The following IQCN variants were observed in gnomAD, a reference collection of about 807,000 sequenced individuals.
IQCN encodes IQ motif containing N.
A neutral mutation model predicts 64.4 loss-of-function variants in IQCN; 46 were observed. That is an observed-to-expected ratio of 0.71 (90% CI 0.56 to 0.91). The LOEUF is 0.91. Ranked by LOEUF, IQCN falls within the 40% of genes least tolerant of loss-of-function variation. The pLI is 0.00. For missense variants in IQCN, 1,753 were observed against 1,857.4 expected, an observed-to-expected ratio of 0.94 and a Z score of 1.03; for synonymous variants, 733 against 775.6, an observed-to-expected ratio of 0.95 and a Z score of 0.91.
Position 18,265,699 on chromosome 19 carries a change from G to C in IQCN, c.1841C>G (p.Ala614Gly), listed in dbSNP as rs16982285. ...EKIKTGTQKQ[A>G]KTDMAFKTSV... ...GGTCTTAAATGCCATGTCTGTTTTCGCCTGTTTCTGGGTGCCAGTCTTGAT... is the reference window on the plus strand; with the variant it reads ...GGTCTTAAATGCCATGTCTGTTTTCCCCTGTTTCTGGGTGCCAGTCTTGAT... The change falls in exon 3 of 4, where the codon GCG (alanine) becomes GGG (glycine). Residue 614 changes from alanine (A) to glycine (G), a missense_variant. Ala to Gly is a moderately conservative substitution (Grantham distance 60, BLOSUM62 0). Transcript: ENST00000392413. The surrounding 1 kb of genome is among the most constrained non-coding windows in gnomAD (Gnocchi z 4.7). 5 of 1,614,088 alleles carry C rather than the reference G, an allele frequency of 3.1e-6. No homozygotes were observed. Among genetic ancestry groups the C allele is most frequent in the Non-Finnish European group, 2.5e-6 (3 of 1,180,028 alleles).
Position 18,267,425 on chromosome 19 carries a change from C to T in IQCN, c.115G>A (p.Ala39Thr), listed in dbSNP as rs111708098. ...ATTTTGTCCAGGAGACTGGGGTGAG[C>T]GGGGGCTGGAGGATGCACCGCCCAC... Reference protein sequence around the residue: ...TQWAVHPPAPAHPSLLDKMEK... With the variant: ...TQWAVHPPAPTHPSLLDKMEK... Residue 39 changes from alanine (A) to threonine (T), a missense_variant, in exon 3 of 4, where the codon GCT becomes ACT. Coordinates refer to ENST00000392413, the MANE Select transcript of IQCN (RefSeq NM_001145304.2). The T allele has an allele frequency of 6.8e-5, 106 of 1,569,570 alleles. No individual in the cohort carries two copies. The African/African-American group carries it at 1.2e-3, about 17-fold the overall frequency.
At chr19:18,272,180 T>C (rs139600299) in intron 1 of IQCN, among the ~76,000 whole-genome samples, 1,605 of 144,276 alleles carry the variant, frequency 0.011, 89 homozygotes, top group Admixed American at 0.1. Context: ...CAGGCTGGAG[T>C]GCAGTGGCGC....
chr19:18,257,526 G>A lies in IQCN; in HGVS notation c.3758C>T (p.Pro1253Leu). The change falls in exon 4 of 4, where the codon CCT becomes CTT. Residue 1253 changes from proline (P) to leucine (L), a missense_variant. Transcript: ENST00000392413. ...PSVVMLVGSS[P>L]RTCHTCGRTQ... ...GCGTCCACAGGTATGACAGGTGCGAGGGCTGGAGCCCACTAGCATCACCAC... is the reference window on the plus strand; with the variant it reads ...GCGTCCACAGGTATGACAGGTGCGAAGGCTGGAGCCCACTAGCATCACCAC... The A allele has an allele frequency of 1.9e-6, 3 of 1,611,690 alleles. No homozygotes were observed. The South Asian group carries it at 3.3e-5, about 18-fold the overall frequency.
chr19:18,268,415 A>C (rs766563362), intron 2 of IQCN, among the ~76,000 whole-genome samples: 5 of 152,114 alleles, frequency 3.3e-5, no homozygotes, highest in Non-Finnish European at 5.9e-5. Context: ...TTGGATGGAC[A>C]GATAGATACA....
At chr19:18,261,992 GC>G (rs1969439155) in intron 3 of IQCN, 1 of 153,288 alleles carries the variant, frequency 6.5e-6, no homozygotes, top group African/African-American at 2.4e-5. Context: ...GAGATGGGTA[GC>G]CTGGGCTTGG....
intron 1 of IQCN, among the ~76,000 whole-genome samples, chr19:18,271,183 A>T (rs966694804): frequency 8.0e-5 from 12 of 150,386 alleles, no homozygotes; most frequent in Non-Finnish European, 1.6e-4. Context: ...AAAAAAAAAA[A>T]AAAAAACCAG....
chr19:18,262,676 A>G (rs1018718986), intron 3 of IQCN: 1 of 152,212 alleles, frequency 6.6e-6, no homozygotes, highest in Non-Finnish European at 1.5e-5. Flanking sequence ...GGGTCACCCA[A>G]TTACCCATAG....
In IQCN at chr19:18,264,664, A is replaced by C. The variant is rs1285982134; in HGVS notation, c.2876T>G (p.Leu959Arg). Residue 959 changes from leucine (L) to arginine (R), a missense_variant, in exon 3 of 4, where the codon CTG becomes CGG. Coordinates refer to ENST00000392413, the MANE Select transcript of IQCN (RefSeq NM_001145304.2). The surrounding 1 kb of genome is among the most constrained non-coding windows in gnomAD (Gnocchi z 4.3). The stretch of plus-strand genomic sequence containing the variant: ...CATGACCTTGGTGAGTTCCGCCCGC[A>C]GCTCGCCCCGGGACAGGGCTCGGGA... ...TLSRALSRGE[L>R]RAELTKVMQG... is the part of the protein sequence containing the mutation. 6.4e-7 allele frequency: 1 copy of C among 1,551,340 alleles called. No homozygotes were observed. The highest frequency in any genetic ancestry group is 2.0e-5 in the Admixed American group (1 of 50,994).
rs1436176428 is a variant in IQCN at position 18,258,091 on chromosome 19, C to T, written c.3193G>A (p.Gly1065Ser). The change falls in exon 4 of 4, where the codon GGT becomes AGT. Residue 1065 changes from glycine to serine, a missense_variant. By Grantham distance (56) the Gly-to-Ser change is moderately conservative. Coordinates refer to ENST00000392413, the MANE Select transcript of IQCN (RefSeq NM_001145304.2). ...PQTSKGPADA[G>S]VVGGQSWNRA... ...TTCCACGATTGGCCACCAACCACAC[C>T]AGCGTCCGCGGGGCCCTGGAGTATA... is the stretch of plus-strand genomic sequence containing the variant. 6.2e-7 allele frequency: 1 copy of T among 1,610,958 alleles called. No homozygotes were observed. Among genetic ancestry groups the T allele is most frequent in the Non-Finnish European group, 8.5e-7 (1 of 1,179,990 alleles).
chr19:18,260,189 A>C (rs2148093860), intron 3 of IQCN: 1 of 152,706 alleles, frequency 6.5e-6, no homozygotes, highest in South Asian at 2.1e-4. Context: ...TGGGTGGATG[A>C]TGGAACCCAA....
rs1270997243 is a variant in IQCN at position 18,257,512 on chromosome 19, T to G, written c.3772A>C (p.Thr1258Pro). The change falls in exon 4 of 4, where the codon ACC becomes CCC. Residue 1258 changes from threonine to proline, a missense_variant. Transcript: ENST00000392413. ...LVGSSPRTCH[T>P]CGRTQPTRVV... ...CGGGTGGGCTGTGTGCGTCCACAGG[T>G]ATGACAGGTGCGAGGGCTGGAGCCC... is the stretch of plus-strand genomic sequence containing the variant. The G allele has an allele frequency of 1.9e-6, 3 of 1,611,088 alleles. No individual in the cohort carries two copies. In the Admixed American group the frequency reaches 5.0e-5, roughly 27 times the overall value.
chr19:18,266,415 GATT>G lies in IQCN; in HGVS notation c.1122_1124del (p.Ile375del), dbSNP rs529347815. 49 of 1,589,434 alleles carry G rather than the reference GATT, an allele frequency of 3.1e-5. No individual in the cohort carries two copies. The African/African-American group carries it at 5.6e-4, about 18-fold the overall frequency. ...CCGGATACATCTGGGCTGGGGTCTTGATTATTGTTACTTTGGGAACTGGGCTAG... is the reference window on the plus strand; with the variant it reads ...CCGGATACATCTGGGCTGGGGTCTTGATTGTTACTTTGGGAACTGGGCTAG... On this transcript the variant is annotated inframe_deletion, in exon 3 of 4. Coordinates refer to ENST00000392413, the MANE Select transcript of IQCN (RefSeq NM_001145304.2). This position sits in a 1 kb window ranked among gnomAD's most constrained non-coding sequence, Gnocchi z 4.3.
In IQCN at chr19:18,266,259, G is replaced by A; in HGVS notation, c.1281C>T (p.Asn427=). Residue 427 remains asparagine, a synonymous_variant, in exon 3 of 4, where the codon AAC becomes AAT. Coordinates refer to ENST00000392413, the MANE Select transcript of IQCN (RefSeq NM_001145304.2). This position sits in a 1 kb window ranked among gnomAD's most constrained non-coding sequence, Gnocchi z 4.3. ...QTCPATITAK[N]RPQVSLLASI... is the part of the protein sequence containing the mutation. ...AAGCCAGAAGGGAAACCTGAGGTCGGTTCTTTGCCGTGATGGTCGCAGGGC... is the reference window on the plus strand; with the variant it reads ...AAGCCAGAAGGGAAACCTGAGGTCGATTCTTTGCCGTGATGGTCGCAGGGC... The A allele has an allele frequency of 6.2e-7, 1 of 1,613,780 alleles. No homozygotes were observed. The highest frequency in any genetic ancestry group is 8.5e-7 in the Non-Finnish European group (1 of 1,179,828).
intron 1 of IQCN, among the ~76,000 whole-genome samples, chr19:18,270,359 CAAAA>C (rs199590561): frequency 1.6e-5 from 2 of 121,528 alleles, no homozygotes; most frequent in African/African-American, 3.1e-5. Context: ...AAAACTGTCT[CAAAA>C]AAAAAAAAAA....
chr19:18,268,764 C>G (rs1346223366), intron 2 of IQCN, among the ~76,000 whole-genome samples: 1 of 151,834 alleles, frequency 6.6e-6, no homozygotes, highest in East Asian at 1.9e-4. Context: ...GAGTTTGAGA[C>G]CAGCCTGGCT....
rs1969566881 is a variant in IQCN, at chr19:18,265,977, G to A, written c.1563C>T (p.Ala521=). The A allele has an allele frequency of 1.2e-6, 2 of 1,614,166 alleles. No individual in the cohort carries two copies. The highest frequency in any genetic ancestry group is 1.7e-6 in the Non-Finnish European group (2 of 1,180,016). ...CCTTGACATTTGCCACTGTTGGAGAGGCCAGACACAGAGTCTTGAGGATGG... is the reference window on the plus strand; with the variant it reads ...CCTTGACATTTGCCACTGTTGGAGAAGCCAGACACAGAGTCTTGAGGATGG... ...VATILKTLCL[A]SPTVANVKAP... is the part of the protein sequence containing the mutation. Residue 521 remains alanine, a synonymous_variant, in exon 3 of 4, where the codon GCC becomes GCT. Transcript: ENST00000392413. The surrounding 1 kb of genome is among the most constrained non-coding windows in gnomAD (Gnocchi z 4.7).
Position 18,266,818 on chromosome 19 carries a change from T to G in IQCN, c.722A>C (p.Gln241Pro). Residue 241 changes from glutamine to proline, a missense_variant, in exon 3 of 4, where the codon CAG (glutamine) becomes CCG (proline). Gln to Pro is a moderately conservative substitution (Grantham distance 76). Transcript: ENST00000392413. This position sits in a 1 kb window ranked among gnomAD's most constrained non-coding sequence, Gnocchi z 4.3. ...GCAGGGAAATCTGATGGTGACCGTC[T>G]GGTGTGGCAGGAAGGCCAGCCCCCG... ...RVRGLAFLPH[Q>P]TVTIRFPCPV... 1 of 1,614,160 alleles carries G rather than the reference T, an allele frequency of 6.2e-7. No individual in the cohort carries two copies. Among genetic ancestry groups the G allele is most frequent in the Non-Finnish European group, 8.5e-7 (1 of 1,180,016 alleles).
chr19:18,271,395 A>T (rs978503864), intron 1 of IQCN, among the ~76,000 whole-genome samples: 1 of 150,874 alleles, frequency 6.6e-6, no homozygotes, highest in African/African-American at 2.4e-5. Flanking sequence ...TCTTGAACCC[A>T]GTAGGCAAAG....
chr19:18,265,377 A>G lies in IQCN; in HGVS notation c.2163T>C (p.His721=), dbSNP rs747709278. Residue 721 remains histidine (H), a synonymous_variant, in exon 3 of 4, where the codon CAT becomes CAC. Coordinates refer to ENST00000392413, the MANE Select transcript of IQCN (RefSeq NM_001145304.2). The surrounding 1 kb of genome is among the most constrained non-coding windows in gnomAD (Gnocchi z 4.7). ...TCLSKMHSQT[H]LATGAVKVQS... ...GGACCTTCACGGCACCTGTGGCCAG[A>G]TGTGTCTGGGAATGCATCTTGCTCA... 6.2e-7 allele frequency: 1 copy of G among 1,614,144 alleles called. No individual in the cohort carries two copies. Among genetic ancestry groups the G allele is most frequent in the Admixed American group, 1.7e-5 (1 of 60,014 alleles).
Sources: gnomAD v4.1 joint callset for allele counts (sites outside exome capture counted in the v4.1 genomes callset) on GRCh38, gnomAD v4.1.1 for gene constraint, Gnocchi (gnomAD v3.1) non-coding constraint, MANE v1.5 for transcripts, NCBI Gene and HGNC (gene_info 2026-07-23, HGNC 2026-07-21) for gene names.